The following MET variants were observed in gnomAD, a reference collection of about 807,000 sequenced individuals.
MET encodes MET proto-oncogene, receptor tyrosine kinase.
MET carries 48 observed loss-of-function variants against 133.1 expected under a neutral mutation model. The observed-to-expected ratio is 0.36, with a 90% CI of 0.29 to 0.46. The LOEUF (loss-of-function observed/expected upper bound fraction) is 0.46. Among genes scored for constraint, MET ranks in the 20% least tolerant of loss-of-function variants. MET has a pLI of 1.00. For synonymous variants in MET, 628 were observed against 616.5 expected (o/e 1.02, Z -0.28); for missense variants, 1,442 against 1,695.9 (o/e 0.85, Z 2.63).
At chr7:116,779,736 G>A (rs1795098778) in intron 17 of MET, among the ~76,000 whole-genome samples, 1 of 151,854 alleles carries the variant, frequency 6.6e-6, no homozygotes, top group Admixed American at 6.6e-5. Flanking sequence ...AAAAAAAGAA[G>A]GTGAAATATC....
At chr7:116,768,883 A>T (rs1295075433) in intron 11 of MET, among the ~76,000 whole-genome samples, 3 of 152,208 alleles carry the variant, frequency 2.0e-5, no homozygotes, top group Non-Finnish European at 2.9e-5. Context: ...TGATATTTTT[A>T]AAATGCCTGA....
chr7:116,723,513 C>T (rs376416146), intron 2 of MET, among the ~76,000 whole-genome samples: 4 of 152,122 alleles, frequency 2.6e-5, no homozygotes, highest in South Asian at 2.1e-4. Context: ...AGCTTTGTTC[C>T]GTTGCTGGTG....
Position 116,724,749 on chromosome 7 carries a change from T to G in MET, c.1201-6919T>G, listed in dbSNP as rs143784870. 188 of 1,120,286 alleles carry G rather than the reference T, an allele frequency of 1.7e-4. No individual in the cohort carries two copies. In the African/African-American group the frequency reaches 2.8e-3, roughly 16 times the overall value. 69.4% of individuals were successfully genotyped at this position (1,120,286 alleles called of 1,614,324 possible). A position where few individuals can be genotyped will look rare whatever the true frequency, so the allele number is the denominator to read the frequency against. On this transcript the variant is annotated intron_variant, in intron 2 of 20. Transcript: ENST00000397752. ...GCTGGAAGAGAATTTCGAAATCAAT[T>G]CGCTCAACCTCTCCCTTTACAGGCA...
rs2116992741 is a variant in MET at position 116,771,609 on chromosome 7, C to G, written c.2842C>G (p.Leu948Val). 1 of 1,613,902 alleles carries G rather than the reference C, an allele frequency of 6.2e-7. No homozygotes were observed. The highest frequency in any genetic ancestry group is 1.1e-5 in the South Asian group (1 of 91,072). Residue 948 changes from leucine (L) to valine (V), a missense_variant, in exon 13 of 21, where the codon CTA becomes GTA. Coordinates refer to ENST00000397752, the MANE Select transcript of MET (RefSeq NM_000245.4). Reference protein sequence around the residue: ...VVSISTALLLLLGFFLWLKKR... With the variant: ...VVSISTALLLVLGFFLWLKKR... ...CTCAATATCAACAGCACTGTTATTA[C>G]TACTTGGGTTTTTCCTGTGGCTGAA...
chr7:116,733,237 A>G (rs1313008707), intron 3 of MET, among the ~76,000 whole-genome samples: 1 of 152,170 alleles, frequency 6.6e-6, no homozygotes, highest in Non-Finnish European at 1.5e-5. Context: ...ATTTACATCA[A>G]TGGCATTCTA....
intron 1 of MET, among the ~76,000 whole-genome samples, chr7:116,681,867 A>C (rs1212623836): frequency 2.0e-5 from 3 of 152,238 alleles, no homozygotes; most frequent in Non-Finnish European, 4.4e-5. Flanking sequence ...TGTTGTTTTT[A>C]ATGAGTATCA....
At chr7:116,745,894 C>T (rs932226792) in intron 5 of MET, among the ~76,000 whole-genome samples, 4 of 152,058 alleles carry the variant, frequency 2.6e-5, no homozygotes, top group East Asian at 3.9e-4. Flanking sequence ...TCTAAAACAC[C>T]AAAAGCAATG....
chr7:116,709,652 C>A (rs1161590652), intron 2 of MET, among the ~76,000 whole-genome samples: 1 of 152,106 alleles, frequency 6.6e-6, no homozygotes, highest in Non-Finnish European at 1.5e-5. Flanking sequence ...AGGTCACTGG[C>A]TTGCCCCTTC....
chr7:116,713,470 C>G (rs1331762345), intron 2 of MET, among the ~76,000 whole-genome samples: 1 of 151,752 alleles, frequency 6.6e-6, no homozygotes, highest in Non-Finnish European at 1.5e-5. Flanking sequence ...GCCACAGGAT[C>G]GTAATCCCAG....
At chr7:116,729,025 A>T (rs1223092751) in intron 2 of MET, among the ~76,000 whole-genome samples, 1 of 152,230 alleles carries the variant, frequency 6.6e-6, no homozygotes, top group Non-Finnish European at 1.5e-5. Flanking sequence ...CTTAGATTTA[A>T]AATTGGTCTT....
intron 1 of MET, among the ~76,000 whole-genome samples, chr7:116,695,032 G>C (rs957884483): frequency 1.3e-5 from 2 of 152,098 alleles, no homozygotes; most frequent in African/African-American, 4.8e-5. Context: ...TGCATTAATG[G>C]ACATCAACTA....
chr7:116,788,657 A>G (rs985979245), intron 19 of MET, among the ~76,000 whole-genome samples: 5 of 152,274 alleles, frequency 3.3e-5, no homozygotes, highest in Admixed American at 2.6e-4. Context: ...TAATCTGTAC[A>G]TAATGCTGCT....
intron 3 of MET, among the ~76,000 whole-genome samples, chr7:116,738,456 A>G (rs1200683299): frequency 6.6e-6 from 1 of 152,130 alleles, no homozygotes; most frequent in African/African-American, 2.4e-5. Flanking sequence ...ACCAATACCT[A>G]TTGGGCCCTA....
rs1433483763 is a variant in MET at position 116,763,091 on chromosome 7, C to T, written c.2406C>T (p.Thr802=). 5 of 1,613,698 alleles carry T rather than the reference C, an allele frequency of 3.1e-6. No homozygotes were observed. The highest frequency in any genetic ancestry group is 2.2e-5 in the South Asian group (2 of 91,062). Residue 802 remains threonine, a synonymous_variant, in exon 11 of 21, where the codon ACC becomes ACT. Transcript: ENST00000397752. ...CTAATTCAGAGATAATCTGTTGTAC[C>T]ACTCCTTCCCTGCAACAGCTGAATC... ...HRSNSEIICC[T]TPSLQQLNLQ... is the part of the protein sequence containing the mutation.
chr7:116,697,877 A>G (rs1418555935), intron 1 of MET, among the ~76,000 whole-genome samples: 1 of 152,164 alleles, frequency 6.6e-6, no homozygotes, highest in Non-Finnish European at 1.5e-5. Flanking sequence ...ATCAGCATAT[A>G]TGTGTTATCA....
At chr7:116,748,514 G>A (rs1793783728) in intron 5 of MET, among the ~76,000 whole-genome samples, 1 of 152,172 alleles carries the variant, frequency 6.6e-6, no homozygotes, top group African/African-American at 2.4e-5. Flanking sequence ...ATGCCCACAG[G>A]AGAAAGTGGG....
Position 116,672,292 on chromosome 7 carries a change from C to G in MET, c.-300C>G, listed in dbSNP as rs954805577. 2 of 192,828 alleles carry G rather than the reference C, an allele frequency of 1.0e-5. No homozygotes were observed. The highest frequency in any genetic ancestry group is 2.4e-5 in the African/African-American group (1 of 42,150). 11.9% of individuals were successfully genotyped at this position (192,828 alleles called of 1,614,324 possible). A position where few individuals can be genotyped will look rare whatever the true frequency, so the allele number is the denominator to read the frequency against. On this transcript the variant is annotated 5_prime_UTR_variant, in exon 1 of 21. Coordinates refer to ENST00000397752, the MANE Select transcript of MET (RefSeq NM_000245.4). ...CCGGGCCGCCGCGGGCCGCGCGCGC[C>G]GATGCCCGGCTGAGTCACTGGCAGG...
chr7:116,749,100 A>G (rs998529969), intron 5 of MET, among the ~76,000 whole-genome samples: 1 of 152,228 alleles, frequency 6.6e-6, no homozygotes, highest in East Asian at 1.9e-4. Context: ...TCCCTAACTC[A>G]TTTTATGAGG....
intron 1 of MET, among the ~76,000 whole-genome samples, chr7:116,682,123 T>C (rs561717936): frequency 1.8e-4 from 28 of 152,312 alleles, no homozygotes; most frequent in Admixed American, 1.7e-3. Flanking sequence ...TCTTTTGGTC[T>C]TCAAAGAACT....
Sources: allele counts gnomAD v4.1 joint callset (sites outside exome capture counted in the v4.1 genomes callset), GRCh38; gene constraint gnomAD v4.1.1; transcripts MANE v1.5; gene names NCBI Gene and HGNC (gene_info 2026-07-23, HGNC 2026-07-21).